The following TRPC6 variants were observed in gnomAD, a reference collection of about 807,000 sequenced individuals.
TRPC6 encodes the protein short transient receptor potential channel 6.
In TRPC6, 55 loss-of-function variants were observed where a neutral mutation model predicts 90.7. The observed-to-expected ratio is 0.61, with a 90% CI of 0.49 to 0.76. The LOEUF (loss-of-function observed/expected upper bound fraction) is 0.76. TRPC6 is among the 30% of genes least tolerant of loss of function. The probability of loss-of-function intolerance (pLI) is 0.00; values close to 1 mark genes in which losing one functional copy is unlikely to be tolerated. For synonymous variants in TRPC6, 393 were observed against 393.0 expected (o/e 1.00, Z 0.00); for missense variants, 989 against 1,122.7 (o/e 0.88, Z 1.70).
chr11:101,497,993 A>G (rs1244887264), intron 2 of TRPC6, among the ~76,000 whole-genome samples: 1 of 152,250 alleles, frequency 6.6e-6, no homozygotes. Context: ...AATTAGAGAC[A>G]TAAGTCCTGG....
intron 1 of TRPC6, among the ~76,000 whole-genome samples, chr11:101,547,854 A>C (rs1295408025): frequency 6.6e-6 from 1 of 152,152 alleles, no homozygotes; most frequent in African/African-American, 2.4e-5. Context: ...CCTCCTACTC[A>C]TTAATTCTCA....
At chr11:101,535,962 C>G (rs1305798340) in intron 1 of TRPC6, among the ~76,000 whole-genome samples, 1 of 152,164 alleles carries the variant, frequency 6.6e-6, no homozygotes. Flanking sequence ...CAGTAATTCC[C>G]TCATCCATTC....
chr11:101,578,114 T>G (rs1207480099), intron 1 of TRPC6, among the ~76,000 whole-genome samples: 2 of 152,194 alleles, frequency 1.3e-5, no homozygotes, highest in Admixed American at 6.5e-5. Flanking sequence ...GGCACTGTGT[T>G]AAGATAGGGG....
chr11:101,535,174 G>GA (rs778309974), intron 1 of TRPC6, among the ~76,000 whole-genome samples: 1 of 100,608 alleles, frequency 9.9e-6, no homozygotes, highest in African/African-American at 3.4e-5. Context: ...AGAAAGAAAA[G>GA]AAAGGAAGGA....
intron 1 of TRPC6, among the ~76,000 whole-genome samples, chr11:101,570,187 G>T (rs1422494885): frequency 6.6e-6 from 1 of 151,618 alleles, no homozygotes; most frequent in Admixed American, 6.6e-5. Context: ...ATGATAAAGG[G>T]GATATTACCA....
chr11:101,564,257 T>G (rs1861780481), intron 1 of TRPC6, among the ~76,000 whole-genome samples: 1 of 152,212 alleles, frequency 6.6e-6, no homozygotes, highest in African/African-American at 2.4e-5. Context: ...TGTATATTTA[T>G]TATGTTTTCT....
At position 101,472,124 on chromosome 11, in the gene TRPC6, A is replaced by G; in HGVS notation, c.2205+13T>C. On this transcript the variant is annotated intron_variant, in intron 8 of 12. Coordinates refer to ENST00000344327, the MANE Select transcript of TRPC6 (RefSeq NM_004621.6). Reference sequence around the variant, plus strand: ...ATGAAGGCACAAATTATAAAAATGTATTGAGATTATACCTCAATTTCCTGG... The same window carrying G: ...ATGAAGGCACAAATTATAAAAATGTGTTGAGATTATACCTCAATTTCCTGG... The G allele has an allele frequency of 6.2e-7, 1 of 1,609,854 alleles. No individual in the cohort carries two copies. Among genetic ancestry groups the G allele is most frequent in the Non-Finnish European group, 8.5e-7 (1 of 1,178,290 alleles).
chr11:101,535,007 CA>C (rs539784285), intron 1 of TRPC6, among the ~76,000 whole-genome samples: 3 of 151,074 alleles, frequency 2.0e-5, no homozygotes, highest in South Asian at 2.1e-4. Flanking sequence ...ATTAAAAATA[CA>C]AAAAAAAATT....
intron 6 of TRPC6, among the ~76,000 whole-genome samples, chr11:101,474,373 A>G (rs1321358856): frequency 1.3e-5 from 2 of 152,178 alleles, no homozygotes; most frequent in African/African-American, 4.8e-5. Context: ...TTATTCACTT[A>G]TGGATTTTTT....
At chr11:101,459,474 G>A (rs1858956025) in intron 10 of TRPC6, among the ~76,000 whole-genome samples, 2 of 152,008 alleles carry the variant, frequency 1.3e-5, no homozygotes, top group South Asian at 4.1e-4. Context: ...GACATCACAG[G>A]TTTAGTATTT....
chr11:101,476,425 T>G lies in TRPC6; in HGVS notation c.1620A>C (p.Ser540=), dbSNP rs367860227. Reference sequence around the variant, plus strand: ...AAAATGCCATGAATCTCGCAATGAATGATGCTGCGAAAATTGCTAACATAC... The same window carrying G: ...AAAATGCCATGAATCTCGCAATGAAGGATGCTGCGAAAATTGCTAACATAC... ...DFGMLAIFAA[S]FIARFMAFWH... The change falls in exon 6 of 13, where the codon TCA becomes TCC. Residue 540 remains serine, a synonymous_variant. Coordinates refer to ENST00000344327, the MANE Select transcript of TRPC6 (RefSeq NM_004621.6). The G allele has an allele frequency of 6.2e-7, 1 of 1,614,152 alleles. No homozygotes were observed. The highest frequency in any genetic ancestry group is 8.5e-7 in the Non-Finnish European group (1 of 1,180,004).
chr11:101,528,029 T>C (rs752334479), intron 1 of TRPC6, among the ~76,000 whole-genome samples: 14 of 152,108 alleles, frequency 9.2e-5, no homozygotes, highest in East Asian at 7.7e-4. Flanking sequence ...GCCGAGATCG[T>C]GCCACTGCAC....
At chr11:101,487,612 A>G (rs1357796652) in intron 4 of TRPC6, among the ~76,000 whole-genome samples, 29 of 149,050 alleles carry the variant, frequency 1.9e-4, no homozygotes. Flanking sequence ...TTCCAGGCAA[A>G]ATCTGTCATT....
chr11:101,488,098 A>G (rs971832468), intron 4 of TRPC6, among the ~76,000 whole-genome samples: 52 of 152,202 alleles, frequency 3.4e-4, no homozygotes, highest in African/African-American at 1.2e-3. Context: ...TAGATGGTCC[A>G]AAAGACATTT....
At chr11:101,461,078 A>G (rs1268928542) in intron 10 of TRPC6, among the ~76,000 whole-genome samples, 1 of 152,184 alleles carries the variant, frequency 6.6e-6, no homozygotes, top group African/African-American at 2.4e-5. Context: ...TGCTTGGTAC[A>G]CATGTTAAAA....
Position 101,504,779 on chromosome 11 carries a change from G to C in TRPC6, c.190C>G (p.Leu64Val). ...YPCFRGSDNR[L>V]AHRRQTVLRE... ...AGAACTGTCTGCCGCCGGTGAGCCA[G>C]TCTGTTGTCAGATCCCCGGCTGCAA... Residue 64 changes from leucine to valine, a missense_variant, in exon 2 of 13, where the codon CTG becomes GTG. Physicochemically the swap from Leu to Val is conservative, Grantham distance 32. Coordinates refer to ENST00000344327, the MANE Select transcript of TRPC6 (RefSeq NM_004621.6). 6.2e-7 allele frequency: 1 copy of C among 1,611,420 alleles called. No individual in the cohort carries two copies. Among genetic ancestry groups the C allele is most frequent in the Non-Finnish European group, 8.5e-7 (1 of 1,178,868 alleles).
At chr11:101,477,744 G>C (rs150325921) in intron 5 of TRPC6, among the ~76,000 whole-genome samples, 302 of 152,228 alleles carry the variant, frequency 2.0e-3, no homozygotes, top group African/African-American at 7.1e-3. Flanking sequence ...TTGTTATGAG[G>C]CTTAAATAAA....
intron 9 of TRPC6, among the ~76,000 whole-genome samples, chr11:101,470,728 G>A (rs1005238268): frequency 6.6e-6 from 1 of 151,134 alleles, no homozygotes; most frequent in African/African-American, 2.4e-5. Context: ...GCCAAGCCTG[G>A]TCTCCCAAAT....
chr11:101,545,106 A>T lies in TRPC6; in HGVS notation c.170+38228T>A, dbSNP rs1183000931. Among the ~76,000 whole-genome samples the T allele has an allele frequency of 2.0e-5, 3 of 152,202 alleles. No homozygotes were observed. The East Asian group carries it at 5.8e-4, about 29-fold the overall frequency. On this transcript the variant is annotated intron_variant, in intron 1 of 12. Transcript: ENST00000344327. ...GGTCTGTATTAGTCTTTATACACAC[A>T]CACATACACACATAAACACAAACAT... is the stretch of plus-strand genomic sequence containing the variant.
Sources: allele counts gnomAD v4.1 joint callset (sites outside exome capture counted in the v4.1 genomes callset), GRCh38; gene constraint gnomAD v4.1.1; transcripts MANE v1.5; gene names NCBI Gene and HGNC (gene_info 2026-07-23, HGNC 2026-07-21).